Variants in KLF8 observed in about 807,000 individuals in gnomAD.
The protein encoded by KLF8 is KLF transcription factor 8.
In KLF8, 10 loss-of-function variants were observed where a neutral mutation model predicts 18.2. The ratio of observed to expected loss-of-function variants is 0.55; its 90% CI spans 0.34 to 0.93. The LOEUF (loss-of-function observed/expected upper bound fraction) is 0.93. Among genes scored for constraint, KLF8 ranks in the 40% least tolerant of loss-of-function variants. The pLI, the probability that KLF8 is intolerant of heterozygous loss-of-function variation, is 0.02. For synonymous variants in KLF8, 109 were observed against 97.3 expected (o/e 1.12, Z -0.71); for missense variants, 264 against 277.9 (o/e 0.95, Z 0.36).
At chrX:56,163,207 C>A in the KLF8 span, among the ~76,000 whole-genome samples, 4 of 112,005 alleles carry the variant, frequency 3.6e-5, no homozygotes, top group African/African-American at 1.3e-4. Context: ...TTACACCCCA[C>A]CAACAGTGTA....
the KLF8 span, among the ~76,000 whole-genome samples, chrX:56,144,646 A>G: frequency 2.3e-3 from 241 of 104,386 alleles, no homozygotes; most frequent in Non-Finnish European, 3.5e-3. Flanking sequence ...CCAGCTACTC[A>G]CGAGGCTGAG....
chrX:56,025,855 C>A, the KLF8 span, among the ~76,000 whole-genome samples: 13,425 of 111,614 alleles, frequency 0.12, 1,406 homozygotes, highest in African/African-American at 0.35. Context: ...CTCATAATAA[C>A]TATAGGACAA....
chrX:56,182,581 T>C, the KLF8 span, among the ~76,000 whole-genome samples: 1 of 112,522 alleles, frequency 8.9e-6, no homozygotes, highest in Non-Finnish European at 1.9e-5. Context: ...CTGTTCTGTT[T>C]TCTCCCCATC....
At chrX:56,248,305 T>C (rs1020781797) in intron 1 of KLF8, among the ~76,000 whole-genome samples, 2 of 95,514 alleles carry the variant, frequency 2.1e-5, no homozygotes, top group South Asian at 8.1e-4. Flanking sequence ...ACTTAAAGTA[T>C]GAAAAAAAAA....
the KLF8 span, among the ~76,000 whole-genome samples, chrX:56,064,872 G>A: frequency 5.4e-5 from 6 of 111,408 alleles, no homozygotes; most frequent in South Asian, 1.5e-3. Context: ...TGGGTATAGC[G>A]TTGTTGGCTG....
At chrX:56,185,063 A>G in the KLF8 span, among the ~76,000 whole-genome samples, 2 of 112,781 alleles carry the variant, frequency 1.8e-5, no homozygotes, top group Non-Finnish European at 1.9e-5. Flanking sequence ...GCTTCAGACA[A>G]TCAAACTACT....
At chrX:56,255,682 T>C (rs190231855) in intron 2 of KLF8, among the ~76,000 whole-genome samples, 1 of 112,482 alleles carries the variant, frequency 8.9e-6, no homozygotes, top group East Asian at 2.8e-4. Flanking sequence ...TCTGTTGATA[T>C]TATGTATCAC....
chrX:56,256,634 A>G (rs2066799532), intron 2 of KLF8, among the ~76,000 whole-genome samples: 1 of 111,775 alleles, frequency 8.9e-6, no homozygotes, highest in Non-Finnish European at 1.9e-5. Context: ...TGTTTCAAGA[A>G]ATTTTTCAAT....
At chrX:55,954,745 GCAGGATTAATCATAATAGC>G in the KLF8 span, among the ~76,000 whole-genome samples, 2 of 111,811 alleles carry the variant, frequency 1.8e-5, no homozygotes. Flanking sequence ...AATGTTCACA[GCAGGATTAATCATAATAGC>G]CAAGAAGCAG....
At chrX:56,188,712 G>T in the KLF8 span, among the ~76,000 whole-genome samples, 1 of 111,539 alleles carries the variant, frequency 9.0e-6, no homozygotes, top group African/African-American at 3.3e-5. Flanking sequence ...CAGAAATAAT[G>T]CCACATATCT....
At chrX:56,067,851 C>T in the KLF8 span, among the ~76,000 whole-genome samples, 2 of 112,445 alleles carry the variant, frequency 1.8e-5, no homozygotes, top group Non-Finnish European at 1.9e-5. Context: ...AACACCAGCA[C>T]TTGCACCATA....
At chrX:56,185,311 G>A in the KLF8 span, among the ~76,000 whole-genome samples, 4 of 111,525 alleles carry the variant, frequency 3.6e-5, no homozygotes, top group Non-Finnish European at 7.5e-5. Flanking sequence ...AAGTGAAAAG[G>A]GAAGTTTAGA....
chrX:56,251,007 G>A (rs974532787), intron 2 of KLF8, among the ~76,000 whole-genome samples: 3 of 112,503 alleles, frequency 2.7e-5, no homozygotes, highest in Admixed American at 1.9e-4. Flanking sequence ...TGTTTTAAAT[G>A]TTGGTCTCAT....
chrX:56,186,939 G>A, the KLF8 span, among the ~76,000 whole-genome samples: 1 of 111,765 alleles, frequency 8.9e-6, no homozygotes, highest in Non-Finnish European at 1.9e-5. Context: ...ATCCAAAATT[G>A]ACACCCGAAC....
the KLF8 span, among the ~76,000 whole-genome samples, chrX:55,967,560 C>A: frequency 1.8e-5 from 2 of 110,246 alleles, no homozygotes; most frequent in Admixed American, 1.9e-4. Context: ...CCTAAAGTAG[C>A]AAAAGCTGAG....
chrX:55,938,966 T>C, the KLF8 span, among the ~76,000 whole-genome samples: 40 of 111,772 alleles, frequency 3.6e-4, no homozygotes, highest in African/African-American at 1.3e-3. Context: ...GAAAGATCAA[T>C]GAGACAGAAA....
At chrX:56,186,490 A>G in the KLF8 span, among the ~76,000 whole-genome samples, 2 of 111,192 alleles carry the variant, frequency 1.8e-5, no homozygotes, top group African/African-American at 6.5e-5. Flanking sequence ...TAACAAGTAT[A>G]CCCAGGAATT....
Position 56,259,652 on chromosome X carries a change from C to T in KLF8, c.82-5528C>T, listed in dbSNP as rs191488204. Among the ~76,000 whole-genome samples, 6 of 111,174 alleles carry T rather than the reference C, an allele frequency of 5.4e-5. No individual in the cohort carries two copies. The East Asian group carries it at 1.7e-3, about 31-fold the overall frequency. ...ATTAGTCACTAATGTGGTACCTGTTCTCTATTGTCAACTGCTTTATGTAAA... is the reference window on the plus strand; with the variant it reads ...ATTAGTCACTAATGTGGTACCTGTTTTCTATTGTCAACTGCTTTATGTAAA... On this transcript the variant is annotated intron_variant, in intron 2 of 5. Transcript: ENST00000468660.
the KLF8 span, among the ~76,000 whole-genome samples, chrX:56,197,118 A>G: frequency 8.9e-6 from 1 of 111,783 alleles, no homozygotes; most frequent in African/African-American, 3.3e-5. Context: ...AATTTATAGC[A>G]CTAAATACCC....
Sources: gnomAD v4.1 joint callset for allele counts (sites outside exome capture counted in the v4.1 genomes callset) on GRCh38, gnomAD v4.1.1 for gene constraint, MANE v1.5 for transcripts, NCBI Gene and HGNC (gene_info 2026-07-23, HGNC 2026-07-21) for gene names.